Variants in RBMS3 observed in about 807,000 individuals in gnomAD.
The protein encoded by RBMS3 is RNA binding motif single stranded interacting protein 3, also known as RNA-binding motif, single-stranded-interacting protein 3.
Under a neutral mutation model 66.8 loss-of-function variants are expected in RBMS3, and 27 were observed. The ratio of observed to expected loss-of-function variants is 0.40; its 90% confidence interval spans 0.30 to 0.56. The LOEUF (loss-of-function observed/expected upper bound fraction) is 0.56, where lower values mean the gene tolerates loss of function less well. Ranked by LOEUF, RBMS3 falls within the 20% of genes least tolerant of loss-of-function variation. The probability of loss-of-function intolerance (pLI) is 0.40; values close to 1 mark genes in which losing one functional copy is unlikely to be tolerated. For synonymous variants in RBMS3, 188 were observed against 183.0 expected, an observed-to-expected ratio of 1.03 and a Z score of -0.22; for missense variants, 513 against 549.5, an observed-to-expected ratio of 0.93 and a Z score of 0.66.
At chr3:29,398,826 C>T (rs1005510682) in intron 1 of RBMS3, among the ~76,000 whole-genome samples, 6 of 152,172 alleles carry the variant, frequency 3.9e-5, no homozygotes, top group Non-Finnish European at 8.8e-5. Context: ...AGTGGATCTA[C>T]ACACAAGAGG....
rs1336792216 is a variant in RBMS3 at position 29,342,004 on chromosome 3, T to A, written c.75+60248T>A. Among the ~76,000 whole-genome samples the A allele has an allele frequency of 2.2e-4, 33 of 152,096 alleles. 1 individual carries two copies. Among genetic ancestry groups the A allele is most frequent in the Admixed American group, 2.2e-3 (33 of 15,252 alleles). On this transcript the variant is annotated intron_variant, in intron 1 of 14. Transcript: ENST00000383767. ...CCTCTTGCTTGATCTTCATAAAACA[T>A]CATGTATTTAGTCAGATTGCATCCC...
At chr3:29,566,410 A>G (rs1214626552) in intron 3 of RBMS3, among the ~76,000 whole-genome samples, 2 of 152,080 alleles carry the variant, frequency 1.3e-5, no homozygotes, top group Admixed American at 6.6e-5. Flanking sequence ...GTAGCATGCA[A>G]ATTGATGTAA....
chr3:29,868,763 A>G, intron 6 of RBMS3, 95 bp from the exon 7 acceptor site: 1 of 1,078,516 alleles, frequency 9.3e-7, no homozygotes, highest in Non-Finnish European at 1.4e-6. Context: ...TGTTACTTCA[A>G]AAGATACTCA....
chr3:29,301,841 G>T (rs1348079825), intron 1 of RBMS3, among the ~76,000 whole-genome samples: 1 of 151,886 alleles, frequency 6.6e-6, no homozygotes, highest in East Asian at 1.9e-4. Flanking sequence ...TGGGGCCTGA[G>T]AACTAGTTTG....
intron 1 of RBMS3, among the ~76,000 whole-genome samples, chr3:29,372,417 T>C (rs966831192): frequency 6.6e-6 from 1 of 152,108 alleles, no homozygotes; most frequent in Admixed American, 6.5e-5. Flanking sequence ...TGTTTTATAA[T>C]GAGATAAGCT....
chr3:29,488,583 G>A, intron 3 of RBMS3, 84 bp downstream of exon 3: 1 of 1,249,724 alleles, frequency 8.0e-7, no homozygotes, highest in Non-Finnish European at 1.1e-6. Flanking sequence ...CCAGGTACCA[G>A]CTGCACAATG....
chr3:29,737,707 CACAAAA>C (rs760304345), intron 4 of RBMS3, among the ~76,000 whole-genome samples: 32 of 151,712 alleles, frequency 2.1e-4, no homozygotes, highest in African/African-American at 4.3e-4. Context: ...TTTACCACTT[CACAAAA>C]ACAAAAACAA....
rs1466200704 is a variant in RBMS3 at position 29,349,213 on chromosome 3, A to G, written c.75+67457A>G. The stretch of plus-strand genomic sequence containing the variant: ...TTGCACCCCGTGGAGATCTACTCCT[A>G]AAATTCTCTCTGCAGGAATCTCATT... On this transcript the variant is annotated intron_variant, in intron 1 of 14. Transcript: ENST00000383767. Among the ~76,000 whole-genome samples, 8 of 152,154 alleles carry G rather than the reference A, an allele frequency of 5.3e-5. No homozygotes were observed. The Middle Eastern group carries it at 0.01, about 195-fold the overall frequency.
intron 2 of RBMS3, among the ~76,000 whole-genome samples, chr3:29,472,939 G>T (rs189582242): frequency 2.5e-3 from 377 of 151,268 alleles, no homozygotes; most frequent in Middle Eastern, 6.8e-3. Context: ...TGGTAGAGCC[G>T]AGTGGTCTGT....
At chr3:29,875,878 A>G (rs1036681126) in intron 7 of RBMS3, among the ~76,000 whole-genome samples, 5 of 152,050 alleles carry the variant, frequency 3.3e-5, no homozygotes, top group African/African-American at 7.2e-5. Context: ...CTTTATTGCC[A>G]TATAGGGAAA....
intron 1 of RBMS3, among the ~76,000 whole-genome samples, chr3:29,400,622 C>A (rs529005467): frequency 6.6e-6 from 1 of 151,722 alleles, no homozygotes; most frequent in Middle Eastern, 3.2e-3. Context: ...AGAACAAAAG[C>A]GAGGTAGCTG....
chr3:29,818,284 C>A (rs1017529513), intron 6 of RBMS3, among the ~76,000 whole-genome samples: 1 of 151,832 alleles, frequency 6.6e-6, no homozygotes, highest in Admixed American at 6.6e-5. Context: ...TTTCTCCTTT[C>A]ATTTAGTTAC....
At chr3:29,730,583 C>T in intron 4 of RBMS3, among the ~76,000 whole-genome samples, 1 of 152,144 alleles carries the variant, frequency 6.6e-6, no homozygotes, top group East Asian at 1.9e-4. Flanking sequence ...GTCATTTCCA[C>T]AGTTCCATAG....
At chr3:29,895,977 G>C (rs143427853) in intron 8 of RBMS3, among the ~76,000 whole-genome samples, 1 of 150,716 alleles carries the variant, frequency 6.6e-6, no homozygotes, top group African/African-American at 2.4e-5. Context: ...TCTTTTAAAC[G>C]TCACAACTAT....
chr3:29,736,882 A>G lies in RBMS3; in HGVS notation c.400-2838A>G, dbSNP rs1302435678. Among the ~76,000 whole-genome samples, 11 of 152,194 alleles carry G rather than the reference A, an allele frequency of 7.2e-5. 1 individual carries two copies. On this transcript the variant is annotated intron_variant, in intron 4 of 14. Coordinates refer to ENST00000383767, the MANE Select transcript of RBMS3 (RefSeq NM_001003793.3). ...AGCACCAAAGCCTTCTGCAAACAGT[A>G]TCTAGCTATAATTTGAAAACATGAG...
chr3:29,758,841 C>T (rs931882422), intron 5 of RBMS3, among the ~76,000 whole-genome samples: 1 of 152,042 alleles, frequency 6.6e-6, no homozygotes, highest in Non-Finnish European at 1.5e-5. Flanking sequence ...TAAATCTTAC[C>T]AGAAATGAGG....
At chr3:29,640,138 T>A (rs547228820) in intron 4 of RBMS3, among the ~76,000 whole-genome samples, 1 of 151,844 alleles carries the variant, frequency 6.6e-6, no homozygotes, top group South Asian at 2.1e-4. Flanking sequence ...GAATGGCATA[T>A]GAGCAGATAC....
chr3:29,577,209 AG>A (rs1178512170), intron 3 of RBMS3, among the ~76,000 whole-genome samples: 2 of 152,148 alleles, frequency 1.3e-5, no homozygotes, highest in East Asian at 3.9e-4. Flanking sequence ...TCTGAGAGCT[AG>A]GGCCCAGATT....
chr3:29,626,445 T>G (rs2049063703), intron 4 of RBMS3, among the ~76,000 whole-genome samples: 1 of 152,176 alleles, frequency 6.6e-6, no homozygotes, highest in African/African-American at 2.4e-5. Flanking sequence ...CATTCTAACC[T>G]GTGGAAGATA....
Sources: allele counts gnomAD v4.1 joint callset (sites outside exome capture counted in the v4.1 genomes callset), GRCh38; gene constraint gnomAD v4.1.1; transcripts MANE v1.5; gene names NCBI Gene and HGNC (gene_info 2026-07-23, HGNC 2026-07-21).